DDX41: variants seen among roughly 807,000 people sequenced by gnomAD.
DDX41 encodes the protein probable ATP-dependent RNA helicase DDX41.
A neutral mutation model predicts 78.8 loss-of-function variants in DDX41; 50 were observed. The ratio of observed to expected loss-of-function variants is 0.63; its 90% CI spans 0.51 to 0.80. The LOEUF (loss-of-function observed/expected upper bound fraction) is 0.80. DDX41 is among the 30% of genes least tolerant of loss of function. The pLI, the probability that DDX41 is intolerant of heterozygous loss-of-function variation, is 0.00. For missense variants in DDX41, 633 were observed against 849.2 expected (o/e 0.75, Z 3.16); for synonymous variants, 381 against 321.5 (o/e 1.19, Z -1.98).
chr5:177,516,898 G>A (rs367910900), intron 1 of DDX41, 21 bp downstream of exon 1: 10 of 1,613,324 alleles, frequency 6.2e-6, no homozygotes, highest in Admixed American at 1.7e-5. Context: ...CCACACGCGC[G>A]GGGTCTCGCC....
chr5:177,513,816 GC>G lies in DDX41; in HGVS notation c.966del (p.Arg323AlafsTer13). 1 of 1,613,678 alleles carries G rather than the reference GC, an allele frequency of 6.2e-7. No individual in the cohort carries two copies. Among genetic ancestry groups the G allele is most frequent in the Non-Finnish European group, 8.5e-7 (1 of 1,180,000 alleles). On this transcript the variant is annotated frameshift_variant, in exon 10 of 17. Transcript: ENST00000330503. LOFTEE classifies it high-confidence loss of function. This position sits in a 1 kb window ranked among gnomAD's most constrained non-coding sequence, Gnocchi z 4.6. ...TTCTTCTGCAGCAAATCCATGAGGC[GC>G]CCCGGGGTGGCCACCATCATGTGTA... ...HGVHMMVATP[G>X]RLMDLLQKKM... is the part of the protein sequence containing the mutation.
At position 177,516,065 on chromosome 5, in the gene DDX41, G is replaced by T. The variant is rs544970212; in HGVS notation, c.373+54C>A. The T allele has an allele frequency of 6.8e-6, 11 of 1,613,918 alleles. No homozygotes were observed. In the Middle Eastern group the frequency reaches 5.0e-4, roughly 73 times the overall value. On this transcript the variant is annotated intron_variant, in intron 4 of 16. Transcript: ENST00000330503. Reference sequence around the variant, plus strand: ...ATCCCTTGAGATATAACATGCCTGGGGCTGGGAGGAGAAGACTCAGTCCAC... The same window carrying T: ...ATCCCTTGAGATATAACATGCCTGGTGCTGGGAGGAGAAGACTCAGTCCAC...
intron 14 of DDX41, 40 bp downstream of exon 14, chr5:177,512,456 T>C (rs540722802): frequency 1.9e-6 from 3 of 1,614,002 alleles, no homozygotes; most frequent in African/African-American, 2.7e-5. Flanking sequence ...GCTTGGCCCT[T>C]TTCCGGCCTA....
At position 177,515,064 on chromosome 5, in the gene DDX41, G is replaced by T; in HGVS notation, c.650C>A (p.Ser217Tyr). The T allele has an allele frequency of 6.2e-7, 1 of 1,612,710 alleles. No individual in the cohort carries two copies. The highest frequency in any genetic ancestry group is 1.1e-5 in the South Asian group (1 of 91,076). The change falls in exon 8 of 17, where the codon TCT (serine) becomes TAT (tyrosine). Residue 217 changes from serine to tyrosine, a missense_variant. Physicochemically the swap from Ser to Tyr is moderately radical, Grantham distance 144. Coordinates refer to ENST00000330503, the MANE Select transcript of DDX41 (RefSeq NM_016222.4). ...IQIQGIPTIL[S>Y]GRDMIGIAFT... is the part of the protein sequence containing the mutation. ...AGCGATGCCTATCATGTCACGGCCAGATAGACTGTTGGGAGAGGATGACCC... is the reference window on the plus strand; with the variant it reads ...AGCGATGCCTATCATGTCACGGCCATATAGACTGTTGGGAGAGGATGACCC...
In DDX41 at chr5:177,515,677, CT is replaced by C; in HGVS notation, c.571+7del. 1 of 1,613,834 alleles carries C rather than the reference CT, an allele frequency of 6.2e-7. No homozygotes were observed. The highest frequency in any genetic ancestry group is 8.5e-7 in the Non-Finnish European group (1 of 1,179,876). Reference sequence around the variant, plus strand: ...AAAGTGTGGTATCTCTCTCCAGCCCCTGACTACCTGCAGGAAACTTCATTTC... The same window carrying C: ...AAAGTGTGGTATCTCTCTCCAGCCCCGACTACCTGCAGGAAACTTCATTTC... On this transcript the variant is annotated splice_region_variant and intron_variant, in intron 6 of 16. Coordinates refer to ENST00000330503, the MANE Select transcript of DDX41 (RefSeq NM_016222.4).
Position 177,515,072 on chromosome 5 carries a change from G to A in DDX41, c.645-3C>T. On this transcript the variant is annotated splice_region_variant and splice_polypyrimidine_tract_variant and intron_variant, in intron 7 of 16. Transcript: ENST00000330503. ...CTATCATGTCACGGCCAGATAGACT[G>A]TTGGGAGAGGATGACCCGAGGGCCA... is the stretch of plus-strand genomic sequence containing the variant. 1 of 1,612,332 alleles carries A rather than the reference G, an allele frequency of 6.2e-7. No individual in the cohort carries two copies. The highest frequency in any genetic ancestry group is 1.3e-5 in the African/African-American group (1 of 75,048).
Position 177,512,612 on chromosome 5 carries a change from A to G in DDX41, c.1433T>C (p.Phe478Ser). 1 of 1,614,038 alleles carries G rather than the reference A, an allele frequency of 6.2e-7. No homozygotes were observed. Among genetic ancestry groups the G allele is most frequent in the Non-Finnish European group, 8.5e-7 (1 of 1,180,018 alleles). Residue 478 changes from phenylalanine (F) to serine (S), a missense_variant, in exon 14 of 17, where the codon TTC becomes TCC. Phe to Ser is a radical substitution (Grantham distance 155). Coordinates refer to ENST00000330503, the MANE Select transcript of DDX41 (RefSeq NM_016222.4). ...TAGGACATCCTTCTTGCCCTCCCGGAATGCCTCGATGGCCTTAGTCCGTTC... is the reference window on the plus strand; with the variant it reads ...TAGGACATCCTTCTTGCCCTCCCGGGATGCCTCGATGGCCTTAGTCCGTTC... The part of the protein sequence containing the change: ...QEERTKAIEA[F>S]REGKKDVLVA...
chr5:177,516,279 C>T lies in DDX41; in HGVS notation c.298+9G>A, dbSNP rs1185157291. ...TTCTTTCTCGCCCAGGCAGTGCTGC[C>T]CAGCCCACCTTCAGCCTTCTCTTTA... On this transcript the variant is annotated intron_variant, in intron 3 of 16. Coordinates refer to ENST00000330503, the MANE Select transcript of DDX41 (RefSeq NM_016222.4). 2 of 1,614,050 alleles carry T rather than the reference C, an allele frequency of 1.2e-6. No homozygotes were observed. The highest frequency in any genetic ancestry group is 1.7e-6 in the Non-Finnish European group (2 of 1,180,038).
intron 14 of DDX41, 46 bp downstream of exon 14, chr5:177,512,450 G>A (rs1761014948): frequency 1.2e-6 from 2 of 1,614,076 alleles, no homozygotes; most frequent in Non-Finnish European, 1.7e-6. Flanking sequence ...GGCCTGGCTT[G>A]GCCCTTTTCC....
chr5:177,515,099 T>C (rs1484065861), intron 7 of DDX41, 30 bp from the exon 8 acceptor site: 1 of 1,611,708 alleles, frequency 6.2e-7, no homozygotes. Context: ...CGAGGGCCAA[T>C]TTCAACAGAA....
Position 177,512,661 on chromosome 5 carries a change from C to T in DDX41, c.1400-16G>A. ...TCCTCCTGGTCTGGGGAGGGTCAGG[C>T]AGACACTGTCAGAGCCACCATGGGA... On this transcript the variant is annotated splice_polypyrimidine_tract_variant and intron_variant, in intron 13 of 16. Coordinates refer to ENST00000330503, the MANE Select transcript of DDX41 (RefSeq NM_016222.4). The T allele has an allele frequency of 6.2e-7, 1 of 1,613,846 alleles. No individual in the cohort carries two copies. Among genetic ancestry groups the T allele is most frequent in the Non-Finnish European group, 8.5e-7 (1 of 1,179,920 alleles).
intron 3 of DDX41, 35 bp from the exon 4 acceptor site, chr5:177,516,228 C>G: frequency 6.2e-7 from 1 of 1,614,132 alleles, no homozygotes; most frequent in Non-Finnish European, 8.5e-7. Flanking sequence ...AGACAGATAC[C>G]AAAACGGTGT....
chr5:177,512,018 G>C, intron 16 of DDX41, 78 bp downstream of exon 16: 1 of 1,606,476 alleles, frequency 6.2e-7, no homozygotes, highest in Admixed American at 1.7e-5. Context: ...TCGGTCCACC[G>C]GTTTCACGTT....
intron 4 of DDX41, 58 bp from the exon 5 acceptor site, chr5:177,516,047 G>T: frequency 6.2e-7 from 1 of 1,613,986 alleles, no homozygotes; most frequent in Non-Finnish European, 8.5e-7. Flanking sequence ...CAGATCCCTT[G>T]AGATATAACA....
In DDX41 at chr5:177,516,674, C is replaced by T. The variant is rs2112182; in HGVS notation, c.138+51G>A. 1.9e-6 allele frequency: 3 copies of T among 1,538,836 alleles called. No individual in the cohort carries two copies. The South Asian group carries it at 3.5e-5, about 18-fold the overall frequency. On this transcript the variant is annotated intron_variant, in intron 2 of 16. Transcript: ENST00000330503. ...CGGAGGCCGAGGCCACGCCCGCCCC[C>T]TGCGACCCCGCGGTCACGGCCCCAT... is the stretch of plus-strand genomic sequence containing the variant.
chr5:177,511,849 T>C lies in DDX41; in HGVS notation c.1811A>G (p.Lys604Arg). Residue 604 changes from lysine to arginine, a missense_variant, in exon 17 of 17, where the codon AAG becomes AGG. Around this residue, in one of 6 missense-constraint regions of DDX41, gnomAD observed 185 missense variants for 367.4 expected, o/e 0.50. Transcript: ENST00000330503. ...DCPKLEAMQT[K>R]QVSNIGRKDY... ...CTTGCGACCGATGTTGCTGACCTGC[T>C]TGGTCTGCATAGCCTCGAGTTTGGG... 1 of 1,614,150 alleles carries C rather than the reference T, an allele frequency of 6.2e-7. No homozygotes were observed. The highest frequency in any genetic ancestry group is 1.7e-5 in the Admixed American group (1 of 60,024).
chr5:177,512,315 G>A lies in DDX41; in HGVS notation c.1621+7C>T, dbSNP rs1305350267. ...AACAGCTAAGGTGGCGCTGGTAACA[G>A]ACTCACCACACGCTTTGTTGATGAA... On this transcript the variant is annotated splice_region_variant and intron_variant, in intron 15 of 16. Transcript: ENST00000330503. The A allele has an allele frequency of 6.2e-7, 1 of 1,613,940 alleles. No individual in the cohort carries two copies. The highest frequency in any genetic ancestry group is 8.5e-7 in the Non-Finnish European group (1 of 1,179,992).
Position 177,515,261 on chromosome 5 carries a change from A to G in DDX41, c.572-3T>C, listed in dbSNP as rs760334582. 89 of 1,613,908 alleles carry G rather than the reference A, an allele frequency of 5.5e-5. No individual in the cohort carries two copies. The highest frequency in any genetic ancestry group is 7.4e-5 in the Non-Finnish European group (87 of 1,180,024). On this transcript the variant is annotated splice_polypyrimidine_tract_variant and splice_region_variant and intron_variant, in intron 6 of 16. Coordinates refer to ENST00000330503, the MANE Select transcript of DDX41 (RefSeq NM_016222.4). ...CTTCTTCAGGCCTCTCAGGATGGCTATGAAAACCAACCGACATCGTCTTCA... is the reference window on the plus strand; with the variant it reads ...CTTCTTCAGGCCTCTCAGGATGGCTGTGAAAACCAACCGACATCGTCTTCA...
At chr5:177,515,119 C>T in intron 7 of DDX41, 50 bp from the exon 8 acceptor site, 1 of 1,613,048 alleles carries the variant, frequency 6.2e-7, no homozygotes, top group East Asian at 2.2e-5. Context: ...AGATGAAGGA[C>T]ACCTAGCCAT....
Sources: gnomAD v4.1 joint callset for allele counts on GRCh38, gnomAD v4.1.1 for gene constraint, gnomAD v4.1.1 regional missense constraint, Gnocchi (gnomAD v3.1) non-coding constraint, MANE v1.5 for transcripts, NCBI Gene and HGNC (gene_info 2026-07-23, HGNC 2026-07-21) for gene names.